Variants in SLC66A2 observed in about 807,000 individuals in gnomAD.
The protein encoded by SLC66A2 is solute carrier family 66 member 2, also known as PQ loop repeat containing 1.
A neutral mutation model predicts 25.5 loss-of-function variants in SLC66A2; 23 were observed. The observed-to-expected ratio is 0.90, with a 90% CI of 0.65 to 1.28. The LOEUF is 1.28. SLC66A2 is among the 50% of genes most tolerant of loss of function. SLC66A2 has a pLI of 0.00. For synonymous variants in SLC66A2, 193 were observed against 166.5 expected, an observed-to-expected ratio of 1.16 and a Z score of -1.23; for missense variants, 396 against 373.1, an observed-to-expected ratio of 1.06 and a Z score of -0.51.
chr18:79,907,353 G>GTT (rs35589700), intron 5 of SLC66A2, among the ~76,000 whole-genome samples: 22 of 85,394 alleles, frequency 2.6e-4, no homozygotes, highest in East Asian at 3.8e-4. Flanking sequence ...TTTTTTGGTT[G>GTT]TTTTTTTTTT....
At chr18:79,935,752 C>T (rs1215427195) in intron 3 of SLC66A2, among the ~76,000 whole-genome samples, 1 of 152,078 alleles carries the variant, frequency 6.6e-6, no homozygotes. Context: ...GGGTGGAGGT[C>T]CCAGCAGATA....
At chr18:79,916,575 A>G (rs929726010) in intron 5 of SLC66A2, among the ~76,000 whole-genome samples, 4 of 152,212 alleles carry the variant, frequency 2.6e-5, no homozygotes, top group African/African-American at 4.8e-5. Context: ...CATCACGCCT[A>G]TCCAATGAGG....
intron 4 of SLC66A2, among the ~76,000 whole-genome samples, chr18:79,932,758 C>T (rs1466687133): frequency 6.6e-6 from 1 of 152,044 alleles, no homozygotes; most frequent in African/African-American, 2.4e-5. Context: ...AACTGACTTA[C>T]AAAGAAACAA....
rs576233650 is a variant in SLC66A2, at chr18:79,916,789, T to A, written c.608+2395A>T. On this transcript the variant is annotated intron_variant, in intron 5 of 5. Coordinates refer to ENST00000397778, the MANE Select transcript of SLC66A2 (RefSeq NM_025078.5). Reference sequence around the variant, plus strand: ...TTATGTCTGTCCTTTAAAATGCTCTTTGTAAAATATCAGCAACCGTGTTTC... The same window carrying A: ...TTATGTCTGTCCTTTAAAATGCTCTATGTAAAATATCAGCAACCGTGTTTC... Among the ~76,000 whole-genome samples the A allele has an allele frequency of 6.6e-5, 10 of 152,350 alleles. No individual in the cohort carries two copies. The South Asian group carries it at 1.9e-3, about 28-fold the overall frequency.
chr18:79,905,605 AC>A (rs1430508001), intron 5 of SLC66A2, among the ~76,000 whole-genome samples: 1 of 152,216 alleles, frequency 6.6e-6, no homozygotes, highest in Non-Finnish European at 1.5e-5. Flanking sequence ...TTGCGCGGTG[AC>A]CCCGCCACCG....
intron 5 of SLC66A2, chr18:79,916,081 G>GTACCCTCCCA (rs1568301750): frequency 1.9e-5 from 4 of 213,206 alleles, no homozygotes; most frequent in African/African-American, 1.0e-4. Context: ...CAGCGCTCCC[G>GTACCCTCCCA]TACCCACGGT....
rs9947706 is a variant in SLC66A2 at position 79,927,312 on chromosome 18, G to C, written c.391+6657C>G. 7.4e-6 allele frequency among the ~76,000 whole-genome samples: 1 copy of C among 135,924 alleles called. No homozygotes were observed. The highest frequency in any genetic ancestry group is 1.5e-5 in the Non-Finnish European group (1 of 67,434). The allele number at this position is 135,924 out of a possible 152,430, so 89.2% of individuals were successfully genotyped here. ...GACCTGAGGGGCACAGGCTACAGTC[G>C]GGAGAGCCCCGGGCAGGCACACAGG... On this transcript the variant is annotated intron_variant, in intron 4 of 5. Transcript: ENST00000397778. The surrounding 1 kb of genome is among the most constrained non-coding windows in gnomAD (Gnocchi z 6.2).
At chr18:79,942,403 G>A (rs549404228) in intron 3 of SLC66A2, among the ~76,000 whole-genome samples, 22 of 152,330 alleles carry the variant, frequency 1.4e-4, no homozygotes, top group African/African-American at 4.6e-4. Flanking sequence ...AGTCACCTCA[G>A]TCTAGAAACA....
At chr18:79,951,230 C>G (rs1292636622) in intron 1 of SLC66A2, among the ~76,000 whole-genome samples, 1 of 151,688 alleles carries the variant, frequency 6.6e-6, no homozygotes, top group Non-Finnish European at 1.5e-5. Context: ...GGAGGGGTCC[C>G]AGCGCCGGGG....
rs575974902 is a variant in SLC66A2, at chr18:79,923,304, G to A, written c.392-3904C>T. ...GCGGGTGGTGGACAGGTGGGTGGTG[G>A]ATGGGTGGATGGTGGACGGGCAGGC... On this transcript the variant is annotated intron_variant, in intron 4 of 5. Coordinates refer to ENST00000397778, the MANE Select transcript of SLC66A2 (RefSeq NM_025078.5). Among the ~76,000 whole-genome samples the A allele has an allele frequency of 3.2e-3, 475 of 149,990 alleles. 1 individual carries two copies. Among genetic ancestry groups the A allele is most frequent in the Non-Finnish European group, 5.4e-3 (362 of 67,212 alleles).
intron 2 of SLC66A2, among the ~76,000 whole-genome samples, chr18:79,945,946 C>T (rs1172444267): frequency 6.6e-6 from 1 of 152,220 alleles, no homozygotes; most frequent in Non-Finnish European, 1.5e-5. Context: ...GGCCAGTCCC[C>T]TGGGACACAC....
intron 5 of SLC66A2, among the ~76,000 whole-genome samples, chr18:79,914,412 A>C (rs1457917822): frequency 6.6e-6 from 1 of 152,214 alleles, no homozygotes; most frequent in Admixed American, 6.5e-5. Flanking sequence ...AGATCGGAGC[A>C]CAAAGGAACC....
At chr18:79,919,952 A>G (rs866323118) in intron 4 of SLC66A2, among the ~76,000 whole-genome samples, 1 of 14,648 alleles carries the variant, frequency 6.8e-5, no homozygotes, top group Non-Finnish European at 1.2e-4. Context: ...GGAGAGGTCA[A>G]GGTCAGTGAG....
chr18:79,928,438 A>C (rs768232688), intron 4 of SLC66A2, among the ~76,000 whole-genome samples: 8 of 152,158 alleles, frequency 5.3e-5, no homozygotes, highest in Non-Finnish European at 2.9e-5. Context: ...GGTCAGAAAC[A>C]ACAGAGGCAG....
intron 3 of SLC66A2, among the ~76,000 whole-genome samples, chr18:79,942,302 G>C (rs1411095032): frequency 6.6e-6 from 1 of 152,214 alleles, no homozygotes; most frequent in Non-Finnish European, 1.5e-5. Flanking sequence ...AGACGCTGGA[G>C]CTCATCTCTG....
chr18:79,941,969 C>G lies in SLC66A2; in HGVS notation c.337+1360G>C, dbSNP rs1028240113. 1.3e-5 allele frequency among the ~76,000 whole-genome samples: 2 copies of G among 152,256 alleles called. No homozygotes were observed. Among genetic ancestry groups the G allele is most frequent in the Non-Finnish European group, 2.9e-5 (2 of 68,050 alleles). On this transcript the variant is annotated intron_variant, in intron 3 of 5. Coordinates refer to ENST00000397778, the MANE Select transcript of SLC66A2 (RefSeq NM_025078.5). This position sits in a 1 kb window ranked among gnomAD's most constrained non-coding sequence, Gnocchi z 4.1. ...TTCTCTCGGCCAGCCGGCCCTCCCA[C>G]AGTGAGAACATTCTTGTTCCAAGTT...
intron 5 of SLC66A2, among the ~76,000 whole-genome samples, chr18:79,909,228 T>G (rs1435745168): frequency 3.9e-5 from 6 of 152,216 alleles, no homozygotes; most frequent in Non-Finnish European, 8.8e-5. Context: ...TTTTGATCTT[T>G]GGATCTGTCT....
rs879386661 is a variant in SLC66A2 at position 79,917,665 on chromosome 18, G to A, written c.608+1519C>T. Among the ~76,000 whole-genome samples the A allele has an allele frequency of 6.6e-6, 1 of 151,950 alleles. No individual in the cohort carries two copies. The highest frequency in any genetic ancestry group is 1.5e-5 in the Non-Finnish European group (1 of 67,946). The stretch of plus-strand genomic sequence containing the variant: ...ATCCCTGCCTTTTGGGCTCCACACC[G>A]AAGCCCTCAGGGCTGCCACTGCCCA... On this transcript the variant is annotated intron_variant, in intron 5 of 5. Coordinates refer to ENST00000397778, the MANE Select transcript of SLC66A2 (RefSeq NM_025078.5). The surrounding 1 kb of genome is among the most constrained non-coding windows in gnomAD (Gnocchi z 6.0).
chr18:79,918,350 G>A lies in SLC66A2; in HGVS notation c.608+834C>T, dbSNP rs982115042. ...GTATTGGAGACCAGACTCAAGCAAC[G>A]TGTGGGGGCTCAGGGTGTTCTCCGT... On this transcript the variant is annotated intron_variant, in intron 5 of 5. Transcript: ENST00000397778. The surrounding 1 kb of genome is among the most constrained non-coding windows in gnomAD (Gnocchi z 4.0). 6.6e-6 allele frequency among the ~76,000 whole-genome samples: 1 copy of A among 151,976 alleles called. No homozygotes were observed.
Sources: allele counts gnomAD v4.1 joint callset (sites outside exome capture counted in the v4.1 genomes callset), GRCh38; gene constraint gnomAD v4.1.1; non-coding constraint Gnocchi (gnomAD v3.1); transcripts MANE v1.5; gene names NCBI Gene and HGNC (gene_info 2026-07-23, HGNC 2026-07-21).